CNTNAP2: variants seen among roughly 807,000 people sequenced by gnomAD.
CNTNAP2 encodes contactin associated protein 2.
Under a neutral mutation model 155.2 loss-of-function variants are expected in CNTNAP2, and 98 were observed. The observed-to-expected ratio is 0.63, with a 90% confidence interval of 0.54 to 0.75. CNTNAP2 has a LOEUF of 0.75. Ranked by LOEUF, CNTNAP2 falls within the 30% of genes least tolerant of loss-of-function variation. CNTNAP2 has a pLI of 0.00. For synonymous variants in CNTNAP2, 651 were observed against 631.2 expected (o/e 1.03, Z -0.47); for missense variants, 1,727 against 1,688.1 (o/e 1.02, Z -0.40).
intron 1 of CNTNAP2, among the ~76,000 whole-genome samples, chr7:146,725,923 C>G (rs1206805291): frequency 6.6e-6 from 1 of 152,132 alleles, no homozygotes; most frequent in Non-Finnish European, 1.5e-5. Context: ...TTCTGTCTCC[C>G]GTTCAGCCAG....
At chr7:147,490,710 G>A (rs564806809) in intron 11 of CNTNAP2, among the ~76,000 whole-genome samples, 55 of 152,260 alleles carry the variant, frequency 3.6e-4, no homozygotes, top group African/African-American at 5.8e-4. Context: ...GTAGAATTGC[G>A]TTGGATATGG....
intron 1 of CNTNAP2, among the ~76,000 whole-genome samples, chr7:146,571,148 A>G (rs944473261): frequency 1.2e-4 from 19 of 152,056 alleles, no homozygotes; most frequent in African/African-American, 4.3e-4. Flanking sequence ...GCTCTATTAG[A>G]CTTTTTAGTT....
chr7:147,947,454 C>CAA (rs10708483), intron 14 of CNTNAP2, among the ~76,000 whole-genome samples: 881 of 79,880 alleles, frequency 0.011, 1 homozygote, highest in Non-Finnish European at 0.014. Context: ...CCTGTCTCTA[C>CAA]AAAAAAAAAA....
At chr7:146,293,236 C>T (rs1259997439) in intron 1 of CNTNAP2, among the ~76,000 whole-genome samples, 3 of 152,004 alleles carry the variant, frequency 2.0e-5, no homozygotes, top group African/African-American at 4.8e-5. Flanking sequence ...ATTTATAATA[C>T]CATGAACATA....
At chr7:147,109,687 A>G (rs1488546644) in intron 5 of CNTNAP2, among the ~76,000 whole-genome samples, 1 of 152,178 alleles carries the variant, frequency 6.6e-6, no homozygotes, top group African/African-American at 2.4e-5. Flanking sequence ...CATGGAGGTT[A>G]CTGTTAATTT....
At chr7:146,143,145 C>T (rs1161517546) in intron 1 of CNTNAP2, among the ~76,000 whole-genome samples, 2 of 152,170 alleles carry the variant, frequency 1.3e-5, no homozygotes, top group Non-Finnish European at 2.9e-5. Context: ...TGTTGTGGCC[C>T]TCTCTGCACC....
Position 146,781,225 on chromosome 7 carries a change from C to T in CNTNAP2, c.208+6844C>T, listed in dbSNP as rs553213469. On this transcript the variant is annotated intron_variant, in intron 2 of 23. Transcript: ENST00000361727. ...CCTGGGTGACAGAGCGAGACTCCAT[C>T]TCAAAAAAAAAAAAACAAAAAAAAA... 2.4e-3 allele frequency among the ~76,000 whole-genome samples: 285 copies of T among 116,694 alleles called. 2 individuals are homozygous for T. Among genetic ancestry groups the T allele is most frequent in the African/African-American group, 9.4e-3 (271 of 28,938 alleles). The allele number at this position is 116,694 out of a possible 152,430, so 76.6% of individuals were successfully genotyped here.
chr7:147,806,299 C>A (rs1056750002), intron 13 of CNTNAP2, among the ~76,000 whole-genome samples: 2 of 152,132 alleles, frequency 1.3e-5, no homozygotes, highest in Non-Finnish European at 2.9e-5. Flanking sequence ...AGTATCATCT[C>A]ACCCAAGTTA....
intron 3 of CNTNAP2, among the ~76,000 whole-genome samples, chr7:146,876,542 C>G (rs1231524622): frequency 6.6e-6 from 1 of 152,114 alleles, no homozygotes; most frequent in African/African-American, 2.4e-5. Context: ...TTGTAACTTT[C>G]GTTTGCCTCA....
At chr7:147,521,735 G>A (rs889034213) in intron 11 of CNTNAP2, among the ~76,000 whole-genome samples, 2 of 152,116 alleles carry the variant, frequency 1.3e-5, no homozygotes, top group African/African-American at 4.8e-5. Context: ...TATAGAGAGA[G>A]GCCCAAAGTC....
At chr7:147,703,095 A>G (rs374904641) in intron 13 of CNTNAP2, among the ~76,000 whole-genome samples, 165 of 152,220 alleles carry the variant, frequency 1.1e-3, no homozygotes, top group African/African-American at 3.6e-3. Context: ...TTCAGTTCTG[A>G]TGACCTGCCC....
At chr7:146,444,954 A>C (rs1724474) in intron 1 of CNTNAP2, among the ~76,000 whole-genome samples, 65,447 of 151,870 alleles carry the variant, frequency 0.43, 17,039 homozygotes, top group African/African-American at 0.73. Context: ...ACCCACCGAG[A>C]CACATAAGCC....
rs536368902 is a variant in CNTNAP2 at position 147,828,544 on chromosome 7, T to C, written c.2099-75021T>C. Among the ~76,000 whole-genome samples the C allele has an allele frequency of 2.0e-5, 3 of 152,266 alleles. No homozygotes were observed. The South Asian group carries it at 6.2e-4, about 32-fold the overall frequency. ...AGGCATCAAACAATAAATTCTATCT[T>C]AATTTGATAAAATACATGAAGGTAA... On this transcript the variant is annotated intron_variant, in intron 13 of 23. Coordinates refer to ENST00000361727, the MANE Select transcript of CNTNAP2 (RefSeq NM_014141.6).
At chr7:146,352,055 C>G (rs2129098916) in intron 1 of CNTNAP2, among the ~76,000 whole-genome samples, 1 of 152,254 alleles carries the variant, frequency 6.6e-6, no homozygotes, top group South Asian at 2.1e-4. Context: ...GGTCATGACA[C>G]TACAAAATGG....
chr7:146,546,381 T>C (rs1023892603), intron 1 of CNTNAP2, among the ~76,000 whole-genome samples: 2 of 151,916 alleles, frequency 1.3e-5, no homozygotes, highest in Admixed American at 6.6e-5. Flanking sequence ...GATAGCAAGA[T>C]ACACTACCAA....
At chr7:146,754,986 T>G (rs1379305139) in intron 1 of CNTNAP2, among the ~76,000 whole-genome samples, 4 of 151,880 alleles carry the variant, frequency 2.6e-5, no homozygotes, top group Non-Finnish European at 5.9e-5. Context: ...TTTAAAGACA[T>G]TTTTGCCTCC....
intron 14 of CNTNAP2, among the ~76,000 whole-genome samples, chr7:147,977,016 G>A (rs2116863955): frequency 6.6e-6 from 1 of 152,212 alleles, no homozygotes; most frequent in South Asian, 2.1e-4. Context: ...CACAGCAGCA[G>A]AAAAAGAGGA....
chr7:146,919,219 C>T (rs1237049835), intron 3 of CNTNAP2, among the ~76,000 whole-genome samples: 1 of 152,108 alleles, frequency 6.6e-6, no homozygotes, highest in East Asian at 1.9e-4. Flanking sequence ...GGATTCATTG[C>T]TGGTGAGTAA....
chr7:147,677,257 A>C (rs1795884240), intron 13 of CNTNAP2, among the ~76,000 whole-genome samples: 1 of 151,826 alleles, frequency 6.6e-6, no homozygotes. Context: ...CCTAATGATT[A>C]GTGATGTTGA....
Sources: gnomAD v4.1 joint callset for allele counts (sites outside exome capture counted in the v4.1 genomes callset) on GRCh38, gnomAD v4.1.1 for gene constraint, MANE v1.5 for transcripts, NCBI Gene and HGNC (gene_info 2026-07-23, HGNC 2026-07-21) for gene names.